MYO9A: variants seen among roughly 807,000 people sequenced by gnomAD.
The protein encoded by MYO9A is unconventional myosin-IXa.
MYO9A carries 103 observed loss-of-function variants against 293.3 expected under a neutral mutation model. The ratio of observed to expected loss-of-function variants is 0.35; its 90% CI spans 0.30 to 0.41. The LOEUF (loss-of-function observed/expected upper bound fraction) is 0.41, where lower values mean the gene tolerates loss of function less well. MYO9A is among the 10% of genes least tolerant of loss of function. The pLI is 1.00. For synonymous variants in MYO9A, 1,001 were observed against 1,035.7 expected, an observed-to-expected ratio of 0.97 and a Z score of 0.64; for missense variants, 2,685 against 3,033.0, an observed-to-expected ratio of 0.89 and a Z score of 2.69.
intron 15 of MYO9A, among the ~76,000 whole-genome samples, chr15:71,948,545 A>G (rs943098821): frequency 1.5e-4 from 23 of 152,178 alleles, no homozygotes; most frequent in Admixed American, 9.2e-4. Flanking sequence ...TGTATTGTCT[A>G]TGGCTCCCTT....
intron 32 of MYO9A, among the ~76,000 whole-genome samples, chr15:71,874,499 T>C (rs1003816088): frequency 6.6e-5 from 10 of 152,184 alleles, no homozygotes; most frequent in Non-Finnish European, 1.2e-4. Flanking sequence ...CTTGTAGGCA[T>C]GGTAAGAACT....
At chr15:71,949,780 C>A (rs900949525) in intron 15 of MYO9A, among the ~76,000 whole-genome samples, 6 of 151,680 alleles carry the variant, frequency 4.0e-5, no homozygotes, top group Non-Finnish European at 7.4e-5. Context: ...CTCTCTCAGT[C>A]CCAGGATTTT....
intron 6 of MYO9A, among the ~76,000 whole-genome samples, chr15:72,012,534 G>A (rs975999623): frequency 6.6e-6 from 1 of 152,016 alleles, no homozygotes; most frequent in African/African-American, 2.4e-5. Context: ...CTGACCTCAG[G>A]TGATCCACCC....
chr15:72,067,579 C>T (rs1021599687), intron 1 of MYO9A, among the ~76,000 whole-genome samples: 9 of 152,236 alleles, frequency 5.9e-5, no homozygotes, highest in African/African-American at 2.2e-4. Flanking sequence ...CCATGCCCAG[C>T]CTCCAATATT....
chr15:72,044,968 T>A (rs1407179194), intron 2 of MYO9A, among the ~76,000 whole-genome samples: 1 of 152,234 alleles, frequency 6.6e-6, no homozygotes, highest in Non-Finnish European at 1.5e-5. Flanking sequence ...CCACCTTTTT[T>A]GCGTTCCCAT....
In MYO9A at chr15:71,852,654, T is replaced by C. The variant is rs1457074197; in HGVS notation, c.6347-394A>G. Among the ~76,000 whole-genome samples, 3 of 152,344 alleles carry C rather than the reference T, an allele frequency of 2.0e-5. No individual in the cohort carries two copies. In the East Asian group the frequency reaches 5.8e-4, roughly 29 times the overall value. ...GAGGGATTACAGGCGTGAGCCACCATGCCCGGCCGGCTTCATGTTTCTTAG... is the reference window on the plus strand; with the variant it reads ...GAGGGATTACAGGCGTGAGCCACCACGCCCGGCCGGCTTCATGTTTCTTAG... On this transcript the variant is annotated intron_variant, in intron 35 of 41. Coordinates refer to ENST00000356056, the MANE Select transcript of MYO9A (RefSeq NM_006901.4).
At chr15:72,108,150 A>G (rs560828814) in intron 1 of MYO9A, among the ~76,000 whole-genome samples, 1 of 152,222 alleles carries the variant, frequency 6.6e-6, no homozygotes, top group African/African-American at 2.4e-5. Flanking sequence ...GTACCAAAGT[A>G]TCAGTCCCAC....
chr15:72,070,115 TG>T (rs2079142357), intron 1 of MYO9A, among the ~76,000 whole-genome samples: 1 of 122,612 alleles, frequency 8.2e-6, no homozygotes, highest in Admixed American at 9.5e-5. Flanking sequence ...GGTGACACAG[TG>T]AGACTATGTC....
chr15:72,069,428 ATAAAT>A (rs1239955426), intron 1 of MYO9A, among the ~76,000 whole-genome samples: 1 of 152,044 alleles, frequency 6.6e-6, no homozygotes, highest in African/African-American at 2.4e-5. Context: ...ACATTCAAAA[ATAAAT>A]AAAATAAATA....
intron 39 of MYO9A, among the ~76,000 whole-genome samples, chr15:71,830,517 G>A (rs971616313): frequency 3.9e-5 from 6 of 152,192 alleles, no homozygotes; most frequent in South Asian, 2.1e-4. Flanking sequence ...ACTGGAAAAC[G>A]GATACTTTGG....
intron 7 of MYO9A, among the ~76,000 whole-genome samples, chr15:72,008,369 A>C (rs1028962642): frequency 6.7e-6 from 1 of 150,002 alleles, no homozygotes; most frequent in South Asian, 2.1e-4. Context: ...ATCCTAGCTG[A>C]TTTTTTATTA....
Position 71,897,525 on chromosome 15 carries a change from G to A in MYO9A, c.4978C>T (p.Leu1660Phe). The change falls in exon 25 of 42, where the codon CTT becomes TTT. Residue 1660 changes from leucine to phenylalanine, a missense_variant. Transcript: ENST00000356056. ...GGCCTAGCATTTCCCTCTCTGGAAA[G>A]GTCATCAGAATTGTGGCTGTAAGAC... is the stretch of plus-strand genomic sequence containing the variant. ...TQSYSHNSDD[L>F]SREGNARPIF... 2 of 1,614,034 alleles carry A rather than the reference G, an allele frequency of 1.2e-6. No individual in the cohort carries two copies. The highest frequency in any genetic ancestry group is 1.7e-6 in the Non-Finnish European group (2 of 1,179,896).
At chr15:71,949,871 T>C (rs1250893627) in intron 15 of MYO9A, among the ~76,000 whole-genome samples, 2 of 152,128 alleles carry the variant, frequency 1.3e-5, no homozygotes, top group African/African-American at 2.4e-5. Context: ...TTTCTATCTC[T>C]GAAACTATGC....
intron 1 of MYO9A, among the ~76,000 whole-genome samples, chr15:72,051,401 G>A (rs1596472181): frequency 6.6e-6 from 1 of 152,264 alleles, no homozygotes; most frequent in East Asian, 1.9e-4. Context: ...GCGGCCACCT[G>A]CCCAGGTGGG....
rs551283692 is a variant in MYO9A, at chr15:71,916,045, A to G, written c.2685+325T>C. Among the ~76,000 whole-genome samples the G allele has an allele frequency of 7.9e-5, 12 of 152,282 alleles. No homozygotes were observed. In the East Asian group the frequency reaches 2.1e-3, roughly 27 times the overall value. ...GAGGTTTAAGCAGGGAAAAAAACATATATCATTATGCTAACAGTGACATTA... is the reference window on the plus strand; with the variant it reads ...GAGGTTTAAGCAGGGAAAAAAACATGTATCATTATGCTAACAGTGACATTA... On this transcript the variant is annotated intron_variant, in intron 19 of 41. Coordinates refer to ENST00000356056, the MANE Select transcript of MYO9A (RefSeq NM_006901.4).
intron 1 of MYO9A, among the ~76,000 whole-genome samples, chr15:72,057,238 C>T (rs2078747601): frequency 6.6e-6 from 1 of 152,068 alleles, no homozygotes; most frequent in Admixed American, 6.5e-5. Context: ...CACTGAACTC[C>T]AGCCTTGACG....
chr15:72,047,069 C>T (rs1485367688), intron 1 of MYO9A, among the ~76,000 whole-genome samples: 3 of 152,066 alleles, frequency 2.0e-5, no homozygotes, highest in Non-Finnish European at 2.9e-5. Context: ...AGCATCCCAA[C>T]AATGGAGCAA....
chr15:72,099,420 CCCAAAA>C (rs1567038057), intron 1 of MYO9A, among the ~76,000 whole-genome samples: 1 of 27,812 alleles, frequency 3.6e-5, no homozygotes. Flanking sequence ...AAGACCCTGC[CCCAAAA>C]AAAAAAAAAA....
In MYO9A at chr15:71,966,654, C is replaced by A. The variant is rs577730633; in HGVS notation, c.1986+1330G>T. On this transcript the variant is annotated intron_variant, in intron 13 of 41. Transcript: ENST00000356056. ...ATGGTTTACCGCCAGAAATACATCT[C>A]ATAATCATCTGGATCCCCCCCAACC... Among the ~76,000 whole-genome samples, 12 of 152,224 alleles carry A rather than the reference C, an allele frequency of 7.9e-5. No homozygotes were observed. In the East Asian group the frequency reaches 2.1e-3, roughly 27 times the overall value.
Sources: gnomAD v4.1 joint callset for allele counts (sites outside exome capture counted in the v4.1 genomes callset) on GRCh38, gnomAD v4.1.1 for gene constraint, MANE v1.5 for transcripts, NCBI Gene and HGNC (gene_info 2026-07-23, HGNC 2026-07-21) for gene names.